The following ABCB5 variants were observed in gnomAD, a reference collection of about 807,000 sequenced individuals.
ABCB5 encodes the protein ATP-binding cassette sub-family B member 5.
A neutral mutation model predicts 144.2 loss-of-function variants in ABCB5; 155 were observed. The ratio of observed to expected loss-of-function variants is 1.08; its 90% confidence interval spans 0.94 to 1.23. ABCB5 has a LOEUF of 1.23. Ranked by LOEUF, ABCB5 falls within the 50% of genes most tolerant of loss-of-function variation. ABCB5 has a pLI of 0.00. For synonymous variants in ABCB5, 610 were observed against 528.6 expected (o/e 1.15, Z -2.11); for missense variants, 1,830 against 1,520.8 (o/e 1.20, Z -3.38).
intron 14 of ABCB5, among the ~76,000 whole-genome samples, chr7:20,672,973 CT>C (rs1279209755): frequency 6.6e-6 from 1 of 151,704 alleles, no homozygotes; most frequent in Non-Finnish European, 1.5e-5. Context: ...TCCATTTTTT[CT>C]TTTTCTTTTG....
intron 5 of ABCB5, among the ~76,000 whole-genome samples, chr7:20,642,119 A>T (rs76711429): frequency 0.11 from 16,297 of 152,160 alleles, 1,129 homozygotes; most frequent in Non-Finnish European, 0.15. Flanking sequence ...GTGGTCTTTT[A>T]AAAAGTTGAA....
rs373057179 is a variant in ABCB5, at chr7:20,741,123, A to G, written c.3025-1754A>G. ...TTCTCAAAAAAAAAAAAAAAAAATT[A>G]AAGTCTGGTCAAACAAAATTGGCAA... On this transcript the variant is annotated intron_variant, in intron 24 of 27. Transcript: ENST00000404938. 3.4e-5 allele frequency among the ~76,000 whole-genome samples: 5 copies of G among 148,082 alleles called. No homozygotes were observed. In the East Asian group the frequency reaches 9.7e-4, roughly 29 times the overall value.
chr7:20,668,593 G>C (rs904879988), intron 14 of ABCB5, among the ~76,000 whole-genome samples: 4 of 143,122 alleles, frequency 2.8e-5, no homozygotes, highest in African/African-American at 8.8e-5. Context: ...AGGGAGGTGG[G>C]GGGGGGGGTC....
rs577398146 is a variant in ABCB5, at chr7:20,726,259, C to T, written c.2626-781C>T. Among the ~76,000 whole-genome samples the T allele has an allele frequency of 1.7e-4, 26 of 151,844 alleles. No individual in the cohort carries two copies. The East Asian group carries it at 4.8e-3, about 28-fold the overall frequency. On this transcript the variant is annotated intron_variant, in intron 21 of 27. Coordinates refer to ENST00000404938, the MANE Select transcript of ABCB5 (RefSeq NM_001163941.2). Reference sequence around the variant, plus strand: ...TCATAAAGAATTTTATAACCACATGCCATGTTACTTTCCTGTAATGTTCCT... The same window carrying T: ...TCATAAAGAATTTTATAACCACATGTCATGTTACTTTCCTGTAATGTTCCT...
Position 20,700,077 on chromosome 7 carries a change from C to T in ABCB5, c.2279C>T (p.Ala760Val), listed in dbSNP as rs1786564114. The change falls in exon 19 of 28, where the codon GCA becomes GTA. Residue 760 changes from alanine to valine, a missense_variant. Physicochemically the swap from Ala to Val is moderately conservative, Grantham distance 64 (BLOSUM62 0). Transcript: ENST00000404938. ...YFMQGLFYGR[A>V]GEILTMRLRH... is the part of the protein sequence containing the mutation. ...TTTCAGGGATTATTTTACGGCAGAGCAGGGGAAATTTTAACGATGAGATTA... is the reference window on the plus strand; with the variant it reads ...TTTCAGGGATTATTTTACGGCAGAGTAGGGGAAATTTTAACGATGAGATTA... The T allele has an allele frequency of 1.1e-5, 18 of 1,613,652 alleles. No homozygotes were observed. The highest frequency in any genetic ancestry group is 1.4e-5 in the Non-Finnish European group (16 of 1,179,808).
At chr7:20,730,388 A>C (rs543414754) in intron 23 of ABCB5, among the ~76,000 whole-genome samples, 4 of 152,328 alleles carry the variant, frequency 2.6e-5, no homozygotes, top group African/African-American at 9.6e-5. Context: ...GCATGCCTGT[A>C]ATCCCAGCTA....
rs1781773534 is a variant in ABCB5, at chr7:20,718,928, A to C, written c.2422-4088A>C. 3.3e-5 allele frequency among the ~76,000 whole-genome samples: 5 copies of C among 152,156 alleles called. No homozygotes were observed. The South Asian group carries it at 1.0e-3, about 32-fold the overall frequency. On this transcript the variant is annotated intron_variant, in intron 20 of 27. Coordinates refer to ENST00000404938, the MANE Select transcript of ABCB5 (RefSeq NM_001163941.2). ...TGTAAGTAGGTGTAAATGAGAACAA[A>C]GATTTTTCACAAAGATGTTCATTAC...
chr7:20,743,045 A>G lies in ABCB5; in HGVS notation c.3193A>G (p.Arg1065Gly). ...AAGCACTTCTGTTCAACTTCTGCAG[A>G]GACTTTATGACCCCGTGCAAGGACA... ...GKSTSVQLLQ[R>G]LYDPVQGQVL... Residue 1065 changes from arginine (R) to glycine (G), a missense_variant, in exon 25 of 28, where the codon AGA becomes GGA. Physicochemically the swap from Arg to Gly is moderately radical, Grantham distance 125. Transcript: ENST00000404938. The G allele has an allele frequency of 6.2e-7, 1 of 1,614,100 alleles. No homozygotes were observed. The highest frequency in any genetic ancestry group is 8.5e-7 in the Non-Finnish European group (1 of 1,179,972).
intron 4 of ABCB5, 82 bp downstream of exon 4, chr7:20,628,920 G>A: frequency 1.4e-6 from 2 of 1,450,750 alleles, no homozygotes; most frequent in South Asian, 1.3e-5. Context: ...TAGCAAGGCA[G>A]ATTATTGTAT....
At chr7:20,632,263 T>C in intron 5 of ABCB5, 150 bp downstream of exon 5, 1 of 546,820 alleles carries the variant, frequency 1.8e-6, no homozygotes, top group East Asian at 3.1e-5. Flanking sequence ...ATTAGGTATA[T>C]AAAATACAAT....
At chr7:20,623,787 T>A (rs1008224176) in intron 2 of ABCB5, among the ~76,000 whole-genome samples, 2 of 152,242 alleles carry the variant, frequency 1.3e-5, no homozygotes, top group Admixed American at 6.5e-5. Context: ...GTGGAATTCA[T>A]TAATTGAGAG....
chr7:20,648,090 C>G lies in ABCB5; in HGVS notation c.1206+12C>G, dbSNP rs1317564982. 6.1e-6 allele frequency: 9 copies of G among 1,464,708 alleles called. No homozygotes were observed. The highest frequency in any genetic ancestry group is 1.4e-5 in the African/African-American group (1 of 71,510). 90.7% of individuals were successfully genotyped at this position (1,464,708 alleles called of 1,614,324 possible). A position where few individuals can be genotyped will look rare whatever the true frequency, so the allele number is the denominator to read the frequency against. On this transcript the variant is annotated intron_variant, in intron 11 of 27. Coordinates refer to ENST00000404938, the MANE Select transcript of ABCB5 (RefSeq NM_001163941.2). ...GACCATCTATCAAGGTAGGTTAAAA[C>G]AAATTACGCAATTGTGCAGTTTTCT... is the stretch of plus-strand genomic sequence containing the variant.
intron 14 of ABCB5, among the ~76,000 whole-genome samples, chr7:20,676,042 A>T (rs1785591402): frequency 6.6e-6 from 1 of 152,160 alleles, no homozygotes; most frequent in South Asian, 2.1e-4. Flanking sequence ...GGATGTGGAA[A>T]AATTGGAACC....
chr7:20,703,883 G>T (rs1469458482), intron 19 of ABCB5, among the ~76,000 whole-genome samples: 3 of 152,010 alleles, frequency 2.0e-5, no homozygotes, highest in African/African-American at 7.3e-5. Flanking sequence ...CTTAACTTCA[G>T]GAGTTTCACA....
At chr7:20,663,612 T>A (rs1583406920) in intron 14 of ABCB5, among the ~76,000 whole-genome samples, 1 of 151,704 alleles carries the variant, frequency 6.6e-6, no homozygotes, top group Non-Finnish European at 1.5e-5. Context: ...TAGTGTTTAA[T>A]GGGTATACAA....
chr7:20,632,134 A>C, intron 5 of ABCB5, 21 bp downstream of exon 5: 2 of 1,467,078 alleles, frequency 1.4e-6, no homozygotes, highest in Non-Finnish European at 1.8e-6. Flanking sequence ...ATGAAACGTT[A>C]ATATCACATT....
chr7:20,750,583 C>T (rs757663780), intron 26 of ABCB5, among the ~76,000 whole-genome samples: 1 of 152,068 alleles, frequency 6.6e-6, no homozygotes, highest in Admixed American at 6.6e-5. Context: ...ACCATTGCTT[C>T]CCCAGATCCT....
Position 20,755,898 on chromosome 7 carries a change from G to A in ABCB5, c.*274G>A, listed in dbSNP as rs1162614675. Reference sequence around the variant, plus strand: ...TTGCTTGTAAAGCAGTTTTCTACAAGGTGAATTTATTTCCCATCAACTTCT... The same window carrying A: ...TTGCTTGTAAAGCAGTTTTCTACAAAGTGAATTTATTTCCCATCAACTTCT... On this transcript the variant is annotated 3_prime_UTR_variant, in exon 28 of 28. Coordinates refer to ENST00000404938, the MANE Select transcript of ABCB5 (RefSeq NM_001163941.2). The A allele has an allele frequency of 5.6e-6, 2 of 357,554 alleles. No individual in the cohort carries two copies. The highest frequency in any genetic ancestry group is 8.1e-5 in the South Asian group (2 of 24,564). The allele number at this position is 357,554 out of a possible 1,614,324, so 22.1% of individuals were successfully genotyped here.
chr7:20,754,522 A>G (rs1418026640), intron 27 of ABCB5, among the ~76,000 whole-genome samples: 1 of 152,218 alleles, frequency 6.6e-6, no homozygotes, highest in Non-Finnish European at 1.5e-5. Context: ...GGAACATTTT[A>G]TGTATTCAAC....
Sources: allele counts gnomAD v4.1 joint callset (sites outside exome capture counted in the v4.1 genomes callset), GRCh38; gene constraint gnomAD v4.1.1; transcripts MANE v1.5; gene names NCBI Gene and HGNC (gene_info 2026-07-23, HGNC 2026-07-21).